The following ADCY8 variants were observed in gnomAD, a reference collection of about 807,000 sequenced individuals.
ADCY8 encodes adenylate cyclase 8.
Under a neutral mutation model 119.7 loss-of-function variants are expected in ADCY8, and 51 were observed. The ratio of observed to expected loss-of-function variants is 0.43; its 90% CI spans 0.34 to 0.54. ADCY8 has a LOEUF of 0.54. Ranked by LOEUF, ADCY8 falls within the 20% of genes least tolerant of loss-of-function variation. The pLI, the probability that ADCY8 is intolerant of heterozygous loss-of-function variation, is 0.03. For missense variants in ADCY8, 1,383 were observed against 1,598.8 expected (o/e 0.87, Z 2.30); for synonymous variants, 665 against 651.0 (o/e 1.02, Z -0.33).
At chr8:130,987,332 CATT>C (rs1347625560) in intron 2 of ADCY8, among the ~76,000 whole-genome samples, 1 of 152,138 alleles carries the variant, frequency 6.6e-6, no homozygotes, top group Admixed American at 6.5e-5. Context: ...TCTGTGTAGT[CATT>C]CAGCTTCTTC....
intron 8 of ADCY8, 127 bp from the exon 9 acceptor site, chr8:130,868,073 A>T: frequency 1.7e-6 from 1 of 602,688 alleles, no homozygotes; most frequent in Non-Finnish European, 2.8e-6. Context: ...ATATCTTAAT[A>T]AAACCTTCAC....
chr8:130,867,963 A>G lies in ADCY8; in HGVS notation c.2110-17T>C. On this transcript the variant is annotated splice_polypyrimidine_tract_variant and intron_variant, in intron 8 of 17. Coordinates refer to ENST00000286355, the MANE Select transcript of ADCY8 (RefSeq NM_001115.3). ...TTGAGAATACTGTAATTAAAAAAAG[A>G]GAGAATGAGTTACTTTGCAGCAGAG... 1 of 1,563,740 alleles carries G rather than the reference A, an allele frequency of 6.4e-7. No individual in the cohort carries two copies. The highest frequency in any genetic ancestry group is 8.8e-7 in the Non-Finnish European group (1 of 1,138,814).
At chr8:130,952,681 G>T (rs1337290726) in intron 2 of ADCY8, among the ~76,000 whole-genome samples, 1 of 152,190 alleles carries the variant, frequency 6.6e-6, no homozygotes, top group African/African-American at 2.4e-5. Flanking sequence ...CACTTTGGCT[G>T]GGATTTGGAG....
intron 2 of ADCY8, among the ~76,000 whole-genome samples, chr8:130,960,903 GACTTA>G (rs976274283): frequency 6.6e-6 from 1 of 152,110 alleles, no homozygotes; most frequent in African/African-American, 2.4e-5. Context: ...TAGATTGCCT[GACTTA>G]GTTTTGGTTT....
At chr8:131,020,292 A>G (rs1336106769) in intron 1 of ADCY8, among the ~76,000 whole-genome samples, 4 of 152,156 alleles carry the variant, frequency 2.6e-5, no homozygotes, top group Non-Finnish European at 4.4e-5. Context: ...AAGTGGATGT[A>G]GTGAGGCTAC....
At chr8:130,901,219 GA>G (rs1819588149) in intron 7 of ADCY8, among the ~76,000 whole-genome samples, 1 of 140,042 alleles carries the variant, frequency 7.1e-6, no homozygotes, top group Non-Finnish European at 1.5e-5. Flanking sequence ...TCTCTAAAGT[GA>G]TTTTTTTTCC....
At chr8:130,986,006 A>G (rs1822391927) in intron 2 of ADCY8, among the ~76,000 whole-genome samples, 1 of 152,240 alleles carries the variant, frequency 6.6e-6, no homozygotes, top group African/African-American at 2.4e-5. Context: ...CCAAGCTGCA[A>G]GAAAAACAAT....
At chr8:130,794,276 G>T (rs751848823) in intron 15 of ADCY8, among the ~76,000 whole-genome samples, 181 of 152,276 alleles carry the variant, frequency 1.2e-3, no homozygotes, top group Middle Eastern at 3.4e-3. Flanking sequence ...ACAGAGTCTT[G>T]CACTGTTGCC....
chr8:130,985,656 C>T (rs977086636), intron 2 of ADCY8, among the ~76,000 whole-genome samples: 9 of 152,090 alleles, frequency 5.9e-5, no homozygotes, highest in African/African-American at 2.2e-4. Context: ...TTAACAATGA[C>T]AAAGCTCTAC....
At chr8:130,888,216 T>C (rs1819060383) in intron 7 of ADCY8, among the ~76,000 whole-genome samples, 1 of 151,310 alleles carries the variant, frequency 6.6e-6, no homozygotes, top group Admixed American at 6.6e-5. Flanking sequence ...ATAATATATA[T>C]ATAATAGAAT....
chr8:130,991,909 A>T (rs6470876), intron 1 of ADCY8, among the ~76,000 whole-genome samples: 4 of 152,084 alleles, frequency 2.6e-5, no homozygotes, highest in Non-Finnish European at 5.9e-5. Context: ...TAGAAACCTC[A>T]AAAAAGGAAA....
chr8:130,995,040 G>A (rs1026268096), intron 1 of ADCY8, among the ~76,000 whole-genome samples: 2 of 152,152 alleles, frequency 1.3e-5, no homozygotes, highest in Non-Finnish European at 2.9e-5. Context: ...CACTGGCTAG[G>A]TTGTGGGGAA....
intron 10 of ADCY8, among the ~76,000 whole-genome samples, chr8:130,848,602 C>T (rs1187708109): frequency 1.3e-5 from 2 of 152,174 alleles, no homozygotes; most frequent in Non-Finnish European, 2.9e-5. Context: ...TTGTGGGAGT[C>T]TATAGCTTGG....
At chr8:131,034,180 G>T (rs937936859) in intron 1 of ADCY8, among the ~76,000 whole-genome samples, 3 of 152,032 alleles carry the variant, frequency 2.0e-5, no homozygotes, top group Non-Finnish European at 4.4e-5. Context: ...CATGCCATTT[G>T]TTGTACATTA....
intron 17 of ADCY8, 119 bp from the exon 18 acceptor site, chr8:130,780,996 T>C: frequency 2.2e-6 from 3 of 1,341,638 alleles, no homozygotes; most frequent in Non-Finnish European, 3.1e-6. Context: ...AACGGGAGGG[T>C]CCAGATCCTG....
chr8:130,960,143 G>T (rs1307359304), intron 2 of ADCY8, among the ~76,000 whole-genome samples: 3 of 152,158 alleles, frequency 2.0e-5, no homozygotes, highest in African/African-American at 7.2e-5. Flanking sequence ...TGGGCACATG[G>T]GAGGGAGACT....
chr8:130,922,208 CTTTTT>C (rs751799584), intron 5 of ADCY8, among the ~76,000 whole-genome samples: 2 of 129,044 alleles, frequency 1.5e-5, no homozygotes, highest in Non-Finnish European at 3.4e-5. Context: ...AATTCCCTTT[CTTTTT>C]TTTTTTTTTT....
intron 2 of ADCY8, among the ~76,000 whole-genome samples, chr8:130,967,298 G>A (rs1821791658): frequency 6.6e-6 from 1 of 152,178 alleles, no homozygotes; most frequent in African/African-American, 2.4e-5. Context: ...TTTGTTAGTG[G>A]TCTAAGACCC....
At chr8:130,949,408 G>A (rs942437581) in intron 3 of ADCY8, 4 of 151,998 alleles carry the variant, frequency 2.6e-5, no homozygotes, top group African/African-American at 7.3e-5. Flanking sequence ...AAATTTATAT[G>A]ATTTGTATAT....
Sources: gnomAD v4.1 joint callset for allele counts (sites outside exome capture counted in the v4.1 genomes callset) on GRCh38, gnomAD v4.1.1 for gene constraint, MANE v1.5 for transcripts, NCBI Gene and HGNC (gene_info 2026-07-23, HGNC 2026-07-21) for gene names.